DNAH8: variants seen among roughly 807,000 people sequenced by gnomAD.
DNAH8 encodes dynein axonemal heavy chain 8.
DNAH8 carries 382 observed loss-of-function variants against 562.1 expected under a neutral mutation model. The observed-to-expected ratio is 0.68, with a 90% CI of 0.63 to 0.74. The LOEUF is 0.74. Among genes scored for constraint, DNAH8 ranks in the 30% least tolerant of loss-of-function variants. The pLI is 0.00. For synonymous variants in DNAH8, 1,881 were observed against 1,919.4 expected (o/e 0.98, Z 0.52); for missense variants, 5,203 against 5,620.4 (o/e 0.93, Z 2.37).
chr6:38,941,574 T>A (rs1290449731), intron 79 of DNAH8, among the ~76,000 whole-genome samples: 2 of 152,212 alleles, frequency 1.3e-5, no homozygotes, highest in Non-Finnish European at 2.9e-5. Flanking sequence ...CAATGAACAC[T>A]ATCTAGGGTG....
At chr6:39,026,731 T>C in intron 92 of DNAH8, 64 bp downstream of exon 92, 1 of 1,576,596 alleles carries the variant, frequency 6.3e-7, no homozygotes, top group South Asian at 1.1e-5. Context: ...CAAGTTCTGC[T>C]TAAAACTGAG....
At chr6:38,919,427 T>TG (rs1781535472) in intron 70 of DNAH8, among the ~76,000 whole-genome samples, 1 of 152,178 alleles carries the variant, frequency 6.6e-6, no homozygotes, top group Non-Finnish European at 1.5e-5. Flanking sequence ...ATATTTTTTT[T>TG]TAACAAGGGG....
intron 81 of DNAH8, 95 bp from the exon 82 acceptor site, chr6:38,951,223 C>T: frequency 9.5e-7 from 1 of 1,055,472 alleles, no homozygotes; most frequent in Non-Finnish European, 1.4e-6. Flanking sequence ...TAACTTGTTG[C>T]CCTTTTGCTA....
chr6:38,967,612 A>T (rs1329013586), intron 82 of DNAH8, among the ~76,000 whole-genome samples: 1 of 152,100 alleles, frequency 6.6e-6, no homozygotes, highest in Non-Finnish European at 1.5e-5. Context: ...ACTAAAAAAC[A>T]TCATTAAAAA....
At chr6:38,907,444 T>C (rs1276715828) in intron 63 of DNAH8, among the ~76,000 whole-genome samples, 1 of 152,330 alleles carries the variant, frequency 6.6e-6, no homozygotes, top group Non-Finnish European at 1.5e-5. Flanking sequence ...AACAGTCTAG[T>C]TGGCACTGCA....
At chr6:38,791,534 T>C (rs747182607) in intron 20 of DNAH8, 21 bp from the exon 21 acceptor site, 2 of 1,595,476 alleles carry the variant, frequency 1.3e-6, no homozygotes, top group South Asian at 2.3e-5. Context: ...TTTTTTTTTC[T>C]TACATTTTTC....
At chr6:38,839,320 T>C (rs1193588487) in intron 33 of DNAH8, among the ~76,000 whole-genome samples, 2 of 151,316 alleles carry the variant, frequency 1.3e-5, no homozygotes, top group African/African-American at 4.9e-5. Context: ...TATGAATAAT[T>C]TTAGAGAATG....
chr6:38,917,250 AAATG>A lies in DNAH8; in HGVS notation c.10154_10157del (p.Asn3385IlefsTer16). On this transcript the variant is annotated frameshift_variant, in exon 69 of 93. Coordinates refer to ENST00000327475, the MANE Select transcript of DNAH8 (RefSeq NM_001206927.2). LOFTEE classifies it high-confidence loss of function. Reference sequence around the variant, plus strand: ...AATCCCAAATATAGACTATCAAGCCAAATGATATTGCCACAGTCAGGAAACTTGC... The same window carrying A: ...AATCCCAAATATAGACTATCAAGCCAATATTGCCACAGTCAGGAAACTTGC... 2 of 1,611,272 alleles carry A rather than the reference AAATG, an allele frequency of 1.2e-6. No homozygotes were observed. The highest frequency in any genetic ancestry group is 8.5e-7 in the Non-Finnish European group (1 of 1,178,624).
chr6:38,752,551 G>A lies in DNAH8; in HGVS notation c.1407+1962G>A, dbSNP rs936010465. Among the ~76,000 whole-genome samples the A allele has an allele frequency of 5.3e-5, 8 of 152,238 alleles. No individual in the cohort carries two copies. The South Asian group carries it at 1.7e-3, about 32-fold the overall frequency. On this transcript the variant is annotated intron_variant, in intron 9 of 92. Coordinates refer to ENST00000327475, the MANE Select transcript of DNAH8 (RefSeq NM_001206927.2). ...AGAAGTAGTCAAATCTTCCATATAG[G>A]TGGCAGCACTGGCCACATGGTTTTG...
chr6:38,835,778 G>T (rs1774231431), intron 32 of DNAH8, among the ~76,000 whole-genome samples: 1 of 152,122 alleles, frequency 6.6e-6, no homozygotes, highest in Non-Finnish European at 1.5e-5. Flanking sequence ...CCAGTGGAGG[G>T]CCCGGTAGGC....
At chr6:38,817,309 C>G (rs183271045) in intron 26 of DNAH8, among the ~76,000 whole-genome samples, 1 of 152,276 alleles carries the variant, frequency 6.6e-6, no homozygotes, top group Admixed American at 6.5e-5. Flanking sequence ...CACCACTGCA[C>G]TACAGCCAGA....
chr6:38,781,385 AT>A lies in DNAH8; in HGVS notation c.2259+14del. 1 of 1,612,446 alleles carries A rather than the reference AT, an allele frequency of 6.2e-7. No individual in the cohort carries two copies. On this transcript the variant is annotated intron_variant, in intron 16 of 92. Transcript: ENST00000327475. ...TCAATTATTTCTTTGTAAGCCAAGA[AT>A]TAAATTTTAATATGTGGATTTTGGT...
chr6:38,966,797 G>A (rs1392886359), intron 82 of DNAH8, among the ~76,000 whole-genome samples: 7 of 152,136 alleles, frequency 4.6e-5, no homozygotes, highest in African/African-American at 7.2e-5. Flanking sequence ...CATAGACTGG[G>A]TAGCTTATAA....
intron 28 of DNAH8, 71 bp from the exon 29 acceptor site, chr6:38,826,085 C>T: frequency 2.0e-6 from 2 of 1,003,622 alleles, no homozygotes; most frequent in Non-Finnish European, 2.9e-6. Context: ...TTGGACAGAG[C>T]AATTATAGAT....
intron 88 of DNAH8, among the ~76,000 whole-genome samples, chr6:38,990,439 C>T (rs911011788): frequency 9.9e-5 from 15 of 152,100 alleles, no homozygotes; most frequent in Admixed American, 7.9e-4. Flanking sequence ...TGTCATAAAA[C>T]GAGTTGGTGT....
chr6:38,871,366 G>GT (rs1248448572), intron 49 of DNAH8, among the ~76,000 whole-genome samples: 4 of 152,132 alleles, frequency 2.6e-5, no homozygotes, highest in Middle Eastern at 3.2e-3. Flanking sequence ...CATTTTAAGA[G>GT]TTTAAAAAAT....
chr6:38,945,774 A>C (rs542591170), intron 80 of DNAH8, among the ~76,000 whole-genome samples, 186 bp downstream of exon 80: 2 of 152,156 alleles, frequency 1.3e-5, no homozygotes, highest in African/African-American at 4.8e-5. Flanking sequence ...TAACCTCTTC[A>C]TAGTTGCAGG....
intron 89 of DNAH8, among the ~76,000 whole-genome samples, chr6:39,010,624 A>C (rs1322731015): frequency 6.6e-6 from 1 of 152,064 alleles, no homozygotes; most frequent in African/African-American, 2.4e-5. Flanking sequence ...TGGGCTATTG[A>C]TTTGATACTG....
intron 82 of DNAH8, chr6:38,953,054 T>C (rs980223430): frequency 6.6e-6 from 1 of 152,210 alleles, no homozygotes; most frequent in East Asian, 1.9e-4. Context: ...TTACCATTCT[T>C]CTCCACATGG....
Sources: gnomAD v4.1 joint callset for allele counts (sites outside exome capture counted in the v4.1 genomes callset) on GRCh38, gnomAD v4.1.1 for gene constraint, MANE v1.5 for transcripts, NCBI Gene and HGNC (gene_info 2026-07-23, HGNC 2026-07-21) for gene names.